Variants in PRKAG2 observed in about 807,000 individuals in gnomAD.
PRKAG2 encodes protein kinase AMP-activated non-catalytic subunit gamma 2.
In PRKAG2, 26 loss-of-function variants were observed where a neutral mutation model predicts 69.6. That is an observed-to-expected ratio of 0.37 (90% confidence interval 0.27 to 0.52). The LOEUF (loss-of-function observed/expected upper bound fraction) is 0.52. Among genes scored for constraint, PRKAG2 ranks in the 20% least tolerant of loss-of-function variants. PRKAG2 has a pLI of 0.90. For missense variants in PRKAG2, 557 were observed against 740.0 expected (o/e 0.75, Z 2.87); for synonymous variants, 293 against 285.0 (o/e 1.03, Z -0.28).
chr7:151,840,014 G>A (rs1056932857), intron 1 of PRKAG2, among the ~76,000 whole-genome samples: 3 of 152,192 alleles, frequency 2.0e-5, no homozygotes, highest in Non-Finnish European at 4.4e-5. Flanking sequence ...AGAGAGTGGG[G>A]GCTGGAGCGG....
chr7:151,849,230 C>G (rs1487788761), intron 1 of PRKAG2, among the ~76,000 whole-genome samples: 1 of 152,264 alleles, frequency 6.6e-6, no homozygotes, highest in Middle Eastern at 3.2e-3. Context: ...AAAGGGGCCT[C>G]CGATGCACCG....
intron 5 of PRKAG2, among the ~76,000 whole-genome samples, chr7:151,601,543 A>G (rs535600745): frequency 1.5e-4 from 23 of 152,234 alleles, no homozygotes; most frequent in Non-Finnish European, 2.9e-4. Flanking sequence ...AGCAGGTTAT[A>G]CCTTCGTGAC....
intron 5 of PRKAG2, 77 bp from the exon 6 acceptor site, chr7:151,595,531 A>G: frequency 2.0e-6 from 2 of 985,398 alleles, no homozygotes; most frequent in South Asian, 2.6e-5. Flanking sequence ...ACGTAAACCT[A>G]TCACTAACAG....
rs191654849 is a variant in PRKAG2 at position 151,755,511 on chromosome 7, G to T, written c.466+25641C>A. ...GGAGTTTTCATTTAAATGTGCTGGGGCGGCGTCAAGGGGTTGAACAGGGGA... is the reference window on the plus strand; with the variant it reads ...GGAGTTTTCATTTAAATGTGCTGGGTCGGCGTCAAGGGGTTGAACAGGGGA... On this transcript the variant is annotated intron_variant, in intron 3 of 15. Coordinates refer to ENST00000287878, the MANE Select transcript of PRKAG2 (RefSeq NM_016203.4). Among the ~76,000 whole-genome samples, 421 of 152,166 alleles carry T rather than the reference G, an allele frequency of 2.8e-3. 1 individual carries two copies. Among genetic ancestry groups the T allele is most frequent in the Middle Eastern group, 0.01 (3 of 294 alleles).
intron 1 of PRKAG2, among the ~76,000 whole-genome samples, chr7:151,801,377 T>G (rs1255069451): frequency 1.3e-5 from 2 of 151,124 alleles, no homozygotes; most frequent in East Asian, 3.9e-4. Flanking sequence ...GAGAAGGGTC[T>G]GAGAACCCAG....
Position 151,632,417 on chromosome 7 carries a change from C to T in PRKAG2, c.685-279G>A. On this transcript the variant is annotated intron_variant, in intron 4 of 15. Transcript: ENST00000287878. This position sits in a 1 kb window ranked among gnomAD's most constrained non-coding sequence, Gnocchi z 4.2. ...CCCCCGCGCCTTGGTACGGCCCGCC[C>T]GGGAGGAAGCGTGGGAAGGGACCCG... The T allele has an allele frequency of 1.9e-6, 1 of 525,556 alleles. No homozygotes were observed. Among genetic ancestry groups the T allele is most frequent in the Non-Finnish European group, 2.4e-6 (1 of 410,892 alleles). The allele number at this position is 525,556 out of a possible 1,614,324, so 32.6% of individuals were successfully genotyped here. A position where few individuals can be genotyped will look rare whatever the true frequency, so the allele number is the denominator to read the frequency against.
chr7:151,787,717 C>A (rs1422851334), intron 1 of PRKAG2, among the ~76,000 whole-genome samples: 1 of 152,166 alleles, frequency 6.6e-6, no homozygotes, highest in Non-Finnish European at 1.5e-5. Flanking sequence ...ATGTTGAAGT[C>A]CTGCCCCCCA....
chr7:151,820,835 G>A (rs1402416584), intron 1 of PRKAG2, among the ~76,000 whole-genome samples: 3 of 152,222 alleles, frequency 2.0e-5, no homozygotes, highest in South Asian at 2.1e-4. Context: ...ACAATAAGCC[G>A]GGCTTCTCTC....
chr7:151,557,876 T>TA (rs754256312), intron 15 of PRKAG2: 30,144 of 767,342 alleles, frequency 0.039, 28 homozygotes, highest in African/African-American at 0.064. Flanking sequence ...CCGTCTCAAA[T>TA]AAAAAAAAAA....
At chr7:151,785,993 T>C (rs2076985979) in intron 2 of PRKAG2, among the ~76,000 whole-genome samples, 1 of 151,310 alleles carries the variant, frequency 6.6e-6, no homozygotes. Flanking sequence ...AAAGGAAAAG[T>C]GGAAAGAGAG....
intron 4 of PRKAG2, among the ~76,000 whole-genome samples, chr7:151,664,717 C>T (rs1354257525): frequency 2.6e-5 from 4 of 152,202 alleles, no homozygotes; most frequent in South Asian, 2.1e-4. Context: ...AAGATAATCA[C>T]GGTGCACTCT....
rs146578426 is a variant in PRKAG2 at position 151,675,529 on chromosome 7, T to C, written c.575A>G (p.Tyr192Cys). Reference sequence around the variant, plus strand: ...TGTGTCCGGGGGGGAAGACGAGGCATAGATGCGATTCTCTAACCGTTCAGG... The same window carrying C: ...TGTGTCCGGGGGGGAAGACGAGGCACAGATGCGATTCTCTAACCGTTCAGG... ...HEPERLENRI[Y>C]ASSSPPDTGQ... Residue 192 changes from tyrosine (Y) to cysteine (C), a missense_variant, in exon 4 of 16, where the codon TAT becomes TGT. Tyr to Cys is a radical substitution (Grantham distance 194). Around this residue, in one of 2 missense-constraint regions of PRKAG2, gnomAD observed 352 missense variants for 356.7 expected, o/e 0.99. Coordinates refer to ENST00000287878, the MANE Select transcript of PRKAG2 (RefSeq NM_016203.4). The C allele has an allele frequency of 6.2e-6, 10 of 1,613,930 alleles. No individual in the cohort carries two copies. The highest frequency in any genetic ancestry group is 4.0e-5 in the African/African-American group (3 of 74,880).
chr7:151,695,357 T>C (rs1400252411), intron 3 of PRKAG2, among the ~76,000 whole-genome samples: 1 of 152,166 alleles, frequency 6.6e-6, no homozygotes, highest in Non-Finnish European at 1.5e-5. Flanking sequence ...TAAACACCCA[T>C]CCACTTCCTG....
At chr7:151,653,215 AGT>A (rs1178957163) in intron 4 of PRKAG2, among the ~76,000 whole-genome samples, 1 of 152,180 alleles carries the variant, frequency 6.6e-6, no homozygotes, top group Non-Finnish European at 1.5e-5. Flanking sequence ...CATCATTAGT[AGT>A]GTTTTCAGTG....
intron 1 of PRKAG2, among the ~76,000 whole-genome samples, chr7:151,829,414 A>C (rs1473341207): frequency 6.6e-6 from 1 of 152,188 alleles, no homozygotes; most frequent in African/African-American, 2.4e-5. Flanking sequence ...ATTGCTGGGA[A>C]TTGCTGGTGG....
intron 4 of PRKAG2, among the ~76,000 whole-genome samples, chr7:151,636,252 A>G (rs774315357): frequency 2.0e-5 from 3 of 152,114 alleles, no homozygotes; most frequent in Non-Finnish European, 4.4e-5. Flanking sequence ...TTGTGCAACT[A>G]TCTAAGTTTA....
At chr7:151,865,524 G>A (rs186651137) in intron 1 of PRKAG2, among the ~76,000 whole-genome samples, 1,600 of 152,348 alleles carry the variant, frequency 0.011, 35 homozygotes, top group African/African-American at 0.033. Context: ...GGCCCATGTG[G>A]ATCACAGTGA....
chr7:151,675,065 T>C (rs1473511648), intron 4 of PRKAG2: 4 of 357,032 alleles, frequency 1.1e-5, no homozygotes, highest in Non-Finnish European at 2.2e-5. Flanking sequence ...GGGATACAGG[T>C]GCACGCCACC....
At chr7:151,874,707 A>T (rs2080345733) in intron 1 of PRKAG2, among the ~76,000 whole-genome samples, 1 of 152,152 alleles carries the variant, frequency 6.6e-6, no homozygotes, top group Non-Finnish European at 1.5e-5. Flanking sequence ...GCAACATGGT[A>T]AAACCTCATG....
Sources: gnomAD v4.1 joint callset for allele counts (sites outside exome capture counted in the v4.1 genomes callset) on GRCh38, gnomAD v4.1.1 for gene constraint, gnomAD v4.1.1 regional missense constraint, Gnocchi (gnomAD v3.1) non-coding constraint, MANE v1.5 for transcripts, NCBI Gene and HGNC (gene_info 2026-07-23, HGNC 2026-07-21) for gene names.